The following OVCH1 variants were observed in gnomAD, a reference collection of about 807,000 sequenced individuals.
OVCH1 encodes the protein ovochymase 1.
In OVCH1, 139 loss-of-function variants were observed where a neutral mutation model predicts 138.4. The ratio of observed to expected loss-of-function variants is 1.00; its 90% CI spans 0.87 to 1.16. The LOEUF is 1.16. Ranked by LOEUF, OVCH1 falls within the 50% of genes most tolerant of loss-of-function variation. OVCH1 has a pLI of 0.00. For missense variants in OVCH1, 1,367 were observed against 1,357.9 expected (o/e 1.01, Z -0.11); for synonymous variants, 453 against 467.8 (o/e 0.97, Z 0.41).
At chr12:29,478,937 C>T (rs1942835144) in intron 8 of OVCH1, 4 of 1,478,332 alleles carry the variant, frequency 2.7e-6, no homozygotes, top group Admixed American at 4.1e-5. Context: ...ATTATTTTAT[C>T]TTCTGGTACC....
chr12:29,404,672 C>T, the OVCH1 span, among the ~76,000 whole-genome samples: 1 of 152,122 alleles, frequency 6.6e-6, no homozygotes, highest in African/African-American at 2.4e-5. Context: ...TTTATGTTTT[C>T]AGTGTTACTA....
At chr12:29,474,429 A>T (rs1443877062) in intron 14 of OVCH1, among the ~76,000 whole-genome samples, 2 of 152,172 alleles carry the variant, frequency 1.3e-5, no homozygotes, top group Admixed American at 1.3e-4. Context: ...GGAGGAATAA[A>T]TGAGATAATG....
chr12:29,495,366 T>C (rs762430513), exon 4 of OVCH1: 6 of 1,613,244 alleles, frequency 3.7e-6, no homozygotes, highest in Non-Finnish European at 3.4e-6. Flanking sequence ...GGATGGGTAA[T>C]AATTTTTGAG....
intron 22 of OVCH1, 42 bp downstream of exon 22, chr12:29,451,303 C>T: frequency 6.5e-7 from 1 of 1,529,700 alleles, no homozygotes; most frequent in Non-Finnish European, 9.0e-7. Context: ...CCTACATGGA[C>T]CAAGACTCCT....
At chr12:29,479,646 G>A (rs1371692004) in intron 8 of OVCH1, among the ~76,000 whole-genome samples, 2 of 151,980 alleles carry the variant, frequency 1.3e-5, no homozygotes, top group Non-Finnish European at 2.9e-5. Context: ...TAACATGTTG[G>A]AATTAACTCT....
At position 29,487,848 on chromosome 12, in the gene OVCH1, C is replaced by CCT. The variant is rs1231462568; in HGVS notation, c.735_736dup (p.Gly246GlufsTer11). Reference sequence around the variant, plus strand: ...CCCAGCAAGAATCCAGATTCCACCACCTCTTCTACAAACCAGTGGTCCTCC... The same window carrying CCT: ...CCCAGCAAGAATCCAGATTCCACCACCTCTCTTCTACAAACCAGTGGTCCTCC... On this transcript the variant is annotated frameshift_variant, in exon 7 of 28. Coordinates refer to ENST00000318184, the Ensembl canonical transcript of OVCH1. LOFTEE classifies it high-confidence loss of function. The CCT allele has an allele frequency of 1.9e-6, 3 of 1,612,498 alleles. No homozygotes were observed. The highest frequency in any genetic ancestry group is 1.6e-4 in the Middle Eastern group (1 of 6,062).
downstream of OVCH1, among the ~76,000 whole-genome samples, chr12:29,409,591 G>T (rs1220690047): frequency 6.6e-6 from 1 of 152,090 alleles, no homozygotes. Flanking sequence ...GGAGCAGGTT[G>T]TTCAGTTTCT....
chr12:29,445,181 A>G, intron 23 of OVCH1, 97 bp downstream of exon 23: 1 of 1,317,576 alleles, frequency 7.6e-7, no homozygotes, highest in Non-Finnish European at 1.0e-6. Flanking sequence ...CAGAAACATA[A>G]TTTCTTTCAA....
chr12:29,487,495 A>C (rs1383162649), intron 7 of OVCH1, 198 bp downstream of exon 7: 2 of 471,334 alleles, frequency 4.2e-6, no homozygotes, highest in Non-Finnish European at 7.2e-6. Flanking sequence ...AAAATTTTAT[A>C]CAGGGATTTG....
intron 9 of OVCH1, among the ~76,000 whole-genome samples, chr12:29,478,384 T>C (rs1170609439): frequency 6.6e-6 from 1 of 152,194 alleles, no homozygotes; most frequent in African/African-American, 2.4e-5. Context: ...TTTACCAAAT[T>C]TGGTAAACAT....
the OVCH1 span, among the ~76,000 whole-genome samples, chr12:29,404,826 G>C: frequency 6.6e-6 from 1 of 151,888 alleles, no homozygotes; most frequent in African/African-American, 2.4e-5. Context: ...TTCGAGACCA[G>C]TCTGGCCAAC....
intron 16 of OVCH1, among the ~76,000 whole-genome samples, chr12:29,469,480 A>T (rs1261038027): frequency 6.6e-6 from 1 of 152,142 alleles, no homozygotes; most frequent in Admixed American, 6.6e-5. Flanking sequence ...GCTGCCCTGA[A>T]GCAGCAACTA....
At chr12:29,453,618 A>C (rs886891863) in intron 21 of OVCH1, among the ~76,000 whole-genome samples, 12 of 151,954 alleles carry the variant, frequency 7.9e-5, no homozygotes, top group African/African-American at 2.9e-4. Flanking sequence ...TAATTTATCT[A>C]TCCTACCTTA....
intron 5 of OVCH1, among the ~76,000 whole-genome samples, chr12:29,490,137 C>A (rs1424011567): frequency 6.6e-6 from 1 of 152,200 alleles, no homozygotes; most frequent in Non-Finnish European, 1.5e-5. Context: ...AATCAAGGCT[C>A]ACTGTAGCCT....
At chr12:29,456,184 TCA>T (rs1941946393) in intron 19 of OVCH1, among the ~76,000 whole-genome samples, 1 of 152,200 alleles carries the variant, frequency 6.6e-6, no homozygotes, top group Middle Eastern at 3.2e-3. Flanking sequence ...CTGTCCCATT[TCA>T]CACACATAGG....
chr12:29,481,235 G>A (rs1375369509), intron 8 of OVCH1, among the ~76,000 whole-genome samples: 1 of 152,092 alleles, frequency 6.6e-6, no homozygotes, highest in Non-Finnish European at 1.5e-5. Context: ...TTTACACTTT[G>A]TTTAGCCTTA....
intron 4 of OVCH1, among the ~76,000 whole-genome samples, chr12:29,494,744 C>T (rs568551220): frequency 6.6e-6 from 1 of 152,220 alleles, no homozygotes; most frequent in Non-Finnish European, 1.5e-5. Flanking sequence ...TATTCTCCCT[C>T]ATGTGTGAGC....
downstream of OVCH1, among the ~76,000 whole-genome samples, chr12:29,408,119 G>C (rs1422429285): frequency 3.0e-5 from 4 of 133,166 alleles, 1 homozygote; most frequent in Non-Finnish European, 7.0e-5. Flanking sequence ...GTCTGTTATT[G>C]GTGTATAAGA....
At chr12:29,405,091 A>G in the OVCH1 span, among the ~76,000 whole-genome samples, 8 of 151,150 alleles carry the variant, frequency 5.3e-5, no homozygotes, top group African/African-American at 1.9e-4. Flanking sequence ...GTCAAAAACC[A>G]TTGAATATCA....
Sources: gnomAD v4.1 joint callset for allele counts (sites outside exome capture counted in the v4.1 genomes callset) on GRCh38, gnomAD v4.1.1 for gene constraint, MANE v1.5 for transcripts, NCBI Gene and HGNC (gene_info 2026-07-23, HGNC 2026-07-21) for gene names.